COL18A1: variants seen among roughly 807,000 people sequenced by gnomAD.
COL18A1 encodes collagen type XVIII alpha 1 chain.
Under a neutral mutation model 168.0 loss-of-function variants are expected in COL18A1, and 133 were observed. That is an observed-to-expected ratio of 0.79 (90% CI 0.69 to 0.91). COL18A1 has a LOEUF of 0.91. COL18A1 is among the 40% of genes least tolerant of loss of function. The probability of loss-of-function intolerance (pLI) is 0.00; values close to 1 mark genes in which losing one functional copy is unlikely to be tolerated. For missense variants in COL18A1, 2,126 were observed against 1,925.4 expected (o/e 1.10, Z -1.95); for synonymous variants, 949 against 809.0 (o/e 1.17, Z -2.94).
chr21:45,413,053 C>T (rs2123510622), intron 2 of COL18A1, among the ~76,000 whole-genome samples: 1 of 152,278 alleles, frequency 6.6e-6, no homozygotes, highest in Non-Finnish European at 1.5e-5. Flanking sequence ...TGGGACATCA[C>T]ACATCGGCTT....
Position 45,512,273 on chromosome 21 carries a change from C to T in COL18A1, c.3895C>T (p.Pro1299Ser). 2 of 1,611,886 alleles carry T rather than the reference C, an allele frequency of 1.2e-6. No individual in the cohort carries two copies. Among genetic ancestry groups the T allele is most frequent in the Non-Finnish European group, 1.7e-6 (2 of 1,179,614 alleles). Residue 1299 changes from proline (P) to serine (S), a missense_variant, in exon 42 of 42, where the codon CCC becomes TCC. Transcript: ENST00000651438. ...SYCETWRTEA[P>S]SATGQASSLL... is the part of the protein sequence containing the mutation. Reference sequence around the variant, plus strand: ...CTGTGAGACGTGGCGGACGGAGGCTCCCTCGGCCACGGGCCAGGCCTCCTC... The same window carrying T: ...CTGTGAGACGTGGCGGACGGAGGCTTCCTCGGCCACGGGCCAGGCCTCCTC...
chr21:45,454,638 G>T (rs977583649), intron 2 of COL18A1, among the ~76,000 whole-genome samples: 1 of 152,224 alleles, frequency 6.6e-6, no homozygotes. Flanking sequence ...GAAATGGGCC[G>T]ATGGCCAGGC....
intron 2 of COL18A1, among the ~76,000 whole-genome samples, chr21:45,446,958 A>G (rs1016610647): frequency 5.3e-5 from 8 of 152,228 alleles, no homozygotes; most frequent in Non-Finnish European, 8.8e-5. Context: ...CATTCATGAA[A>G]AACACTTAAC....
At chr21:45,495,715 T>TCC (rs2036512641) in intron 29 of COL18A1, 2 of 429,384 alleles carry the variant, frequency 4.7e-6, no homozygotes, top group Admixed American at 3.4e-5. Context: ...CGCGCACACA[T>TCC]ACACGCACAC....
Position 45,498,660 on chromosome 21 carries a change from T to C in COL18A1, c.2683+999T>C, listed in dbSNP as rs2282120. On this transcript the variant is annotated intron_variant, in intron 32 of 41. Coordinates refer to ENST00000651438, the MANE Select transcript of COL18A1 (RefSeq NM_001379500.1). This position sits in a 1 kb window ranked among gnomAD's most constrained non-coding sequence, Gnocchi z 4.5. Reference sequence around the variant, plus strand: ...AAAGCAAGCGGGAAGATGGAAGATGTGCCCATGCCAGCCTTGGATCTCTCA... The same window carrying C: ...AAAGCAAGCGGGAAGATGGAAGATGCGCCCATGCCAGCCTTGGATCTCTCA... 352,973 of 689,104 alleles carry C rather than the reference T, an allele frequency of 0.51. 92,465 individuals are homozygous for C. The highest frequency in any genetic ancestry group is 0.71 in the African/African-American group (40,375 of 56,472). The allele number at this position is 689,104 out of a possible 1,614,324, so 42.7% of individuals were successfully genotyped here.
chr21:45,428,579 A>G (rs2033870365), intron 2 of COL18A1, among the ~76,000 whole-genome samples: 1 of 152,238 alleles, frequency 6.6e-6, no homozygotes, highest in African/African-American at 2.4e-5. Context: ...GCCCAACTCT[A>G]GAACATTCAC....
intron 34 of COL18A1, 118 bp from the exon 35 acceptor site, chr21:45,505,016 C>A: frequency 7.6e-7 from 1 of 1,310,940 alleles, no homozygotes; most frequent in Non-Finnish European, 1.1e-6. Context: ...GGGAGGGGAC[C>A]GGTGACTCAG....
At chr21:45,437,838 ACT>A (rs545116688) in intron 2 of COL18A1, among the ~76,000 whole-genome samples, 6 of 61,074 alleles carry the variant, frequency 9.8e-5, no homozygotes, top group Non-Finnish European at 1.6e-4. Flanking sequence ...TCAGACAAGC[ACT>A]CTCCTGCACA....
chr21:45,474,546 G>A (rs922406567), intron 4 of COL18A1, among the ~76,000 whole-genome samples: 10 of 151,880 alleles, frequency 6.6e-5, no homozygotes, highest in Non-Finnish European at 1.0e-4. Context: ...TGCATGGTGC[G>A]TGTGTCTCTG....
intron 4 of COL18A1, among the ~76,000 whole-genome samples, chr21:45,474,319 C>T (rs2035554257): frequency 7.2e-6 from 1 of 138,764 alleles, no homozygotes; most frequent in Admixed American, 6.9e-5. Context: ...TGTGGTGTGT[C>T]TGTCTTGTGT....
At chr21:45,496,410 G>A in intron 29 of COL18A1, 90 bp from the exon 30 acceptor site, 1 of 787,390 alleles carries the variant, frequency 1.3e-6, no homozygotes, top group Non-Finnish European at 2.4e-6. Flanking sequence ...TCAGGTTTCT[G>A]ATTTTTCTGA....
chr21:45,512,455 C>A lies in COL18A1; in HGVS notation c.*57C>A. ...CCGGCGGCTCGGAGGAAGCCCCCAC[C>A]GTGGGCAGGGAGCGGCCGGCCAGCC... On this transcript the variant is annotated 3_prime_UTR_variant, in exon 42 of 42. Transcript: ENST00000651438. The A allele has an allele frequency of 6.4e-7, 1 of 1,555,612 alleles. No individual in the cohort carries two copies.
At position 45,448,344 on chromosome 21, in the gene COL18A1, C is replaced by G. The variant is rs73909552; in HGVS notation, c.107-19898C>G. ...TCCATGCGTGTGCACACAAGAATAT[C>G]TACATGCACCTCCACATGCGTACAT... is the stretch of plus-strand genomic sequence containing the variant. On this transcript the variant is annotated intron_variant, in intron 2 of 41. Coordinates refer to ENST00000651438, the MANE Select transcript of COL18A1 (RefSeq NM_001379500.1). Among the ~76,000 whole-genome samples the G allele has an allele frequency of 5.4e-3, 825 of 152,308 alleles. 12 individuals carry two copies. The highest frequency in any genetic ancestry group is 0.019 in the African/African-American group (797 of 41,556).
intron 2 of COL18A1, among the ~76,000 whole-genome samples, chr21:45,447,048 G>T (rs536980945): frequency 7.2e-5 from 11 of 152,302 alleles, no homozygotes; most frequent in Middle Eastern, 6.8e-3. Context: ...TTCCTCCTAA[G>T]ATCAGGAGCA....
chr21:45,494,693 T>G, intron 27 of COL18A1, 122 bp downstream of exon 27: 1 of 1,473,726 alleles, frequency 6.8e-7, no homozygotes, highest in Non-Finnish European at 9.4e-7. Flanking sequence ...AGTGCAGTTT[T>G]AAAGCGTGTG....
chr21:45,510,795 T>C (rs77951565), intron 40 of COL18A1, among the ~76,000 whole-genome samples: 1,899 of 152,162 alleles, frequency 0.012, 27 homozygotes, highest in East Asian at 0.035. Flanking sequence ...CAGGCGGCTG[T>C]GGCCTGGCGT....
intron 2 of COL18A1, among the ~76,000 whole-genome samples, chr21:45,414,720 A>G (rs2033393944): frequency 6.6e-6 from 1 of 152,200 alleles, no homozygotes; most frequent in African/African-American, 2.4e-5. Flanking sequence ...AATGTCCCCG[A>G]ACCTAAGAAA....
intron 2 of COL18A1, among the ~76,000 whole-genome samples, chr21:45,467,995 T>A (rs2145888929): frequency 6.6e-6 from 1 of 152,332 alleles, no homozygotes; most frequent in Admixed American, 6.5e-5. Flanking sequence ...CCATGTCTCC[T>A]GCAGACACCA....
At chr21:45,405,539 T>C (rs962625136) in intron 2 of COL18A1, 66 bp downstream of exon 2, 2 of 1,035,674 alleles carry the variant, frequency 1.9e-6, no homozygotes, top group Admixed American at 4.4e-5. Context: ...CTGGCTGGGG[T>C]CCCCGCCCGG....
Sources: gnomAD v4.1 joint callset for allele counts (sites outside exome capture counted in the v4.1 genomes callset) on GRCh38, gnomAD v4.1.1 for gene constraint, Gnocchi (gnomAD v3.1) non-coding constraint, MANE v1.5 for transcripts, NCBI Gene and HGNC (gene_info 2026-07-23, HGNC 2026-07-21) for gene names.